The following NETO1 variants were observed in gnomAD, a reference collection of about 807,000 sequenced individuals.
NETO1 encodes neuropilin and tolloid like 1.
A neutral mutation model predicts 61.3 loss-of-function variants in NETO1; 26 were observed. That is an observed-to-expected ratio of 0.42 (90% CI 0.31 to 0.59). The LOEUF (loss-of-function observed/expected upper bound fraction) is 0.59, where lower values mean the gene tolerates loss of function less well. Ranked by LOEUF, NETO1 falls within the 20% of genes least tolerant of loss-of-function variation. The probability of loss-of-function intolerance (pLI) is 0.12; values close to 1 mark genes in which losing one functional copy is unlikely to be tolerated. For missense variants in NETO1, 531 were observed against 662.8 expected, an observed-to-expected ratio of 0.80 and a Z score of 2.18; for synonymous variants, 225 against 225.8, an observed-to-expected ratio of 1.00 and a Z score of 0.03.
chr18:72,842,576 A>T (rs1181343621), intron 4 of NETO1, among the ~76,000 whole-genome samples: 1 of 152,194 alleles, frequency 6.6e-6, no homozygotes, highest in Non-Finnish European at 1.5e-5. Context: ...GCAAAGATAA[A>T]TTCTAGAATC....
chr18:72,851,655 C>T (rs536894469), intron 4 of NETO1, among the ~76,000 whole-genome samples: 90 of 152,038 alleles, frequency 5.9e-4, no homozygotes, highest in African/African-American at 2.0e-3. Flanking sequence ...GAAGGAGAGA[C>T]GAAAAACCAT....
At chr18:72,767,000 A>T (rs763224007) in intron 7 of NETO1, among the ~76,000 whole-genome samples, 27 of 152,172 alleles carry the variant, frequency 1.8e-4, no homozygotes, top group Non-Finnish European at 3.2e-4. Flanking sequence ...GATTACTATT[A>T]GGCCCTGGAC....
At chr18:72,798,002 G>A (rs1293648451) in intron 4 of NETO1, among the ~76,000 whole-genome samples, 4 of 152,102 alleles carry the variant, frequency 2.6e-5, no homozygotes, top group Non-Finnish European at 5.9e-5. Flanking sequence ...CCTCCCTCAT[G>A]TTATTACAAT....
intron 4 of NETO1, among the ~76,000 whole-genome samples, chr18:72,832,757 C>T (rs2073622643): frequency 6.6e-6 from 1 of 152,144 alleles, no homozygotes; most frequent in African/African-American, 2.4e-5. Flanking sequence ...GATTACAATT[C>T]ACTTTTTAGT....
At chr18:72,754,212 T>A (rs1479145376) in intron 8 of NETO1, among the ~76,000 whole-genome samples, 1 of 151,774 alleles carries the variant, frequency 6.6e-6, no homozygotes, top group Non-Finnish European at 1.5e-5. Context: ...CTAAAATAAT[T>A]AAAATGTTGG....
intron 4 of NETO1, among the ~76,000 whole-genome samples, chr18:72,852,973 C>T (rs968181194): frequency 1.3e-5 from 2 of 151,640 alleles, no homozygotes; most frequent in African/African-American, 4.8e-5. Flanking sequence ...GCTGGGATTA[C>T]AGGCGCCTGC....
intron 4 of NETO1, among the ~76,000 whole-genome samples, chr18:72,821,464 T>C (rs1211417): frequency 2.7e-5 from 4 of 149,430 alleles, no homozygotes; most frequent in Non-Finnish European, 5.9e-5. Context: ...ACTCAAGAGG[T>C]TGAGGCAGGA....
chr18:72,824,236 T>A (rs1001296379), intron 4 of NETO1, among the ~76,000 whole-genome samples: 1 of 152,220 alleles, frequency 6.6e-6, no homozygotes, highest in South Asian at 2.1e-4. Flanking sequence ...TGGGTACTTA[T>A]CGAATAATTA....
chr18:72,775,818 T>C (rs1275413765), intron 7 of NETO1, among the ~76,000 whole-genome samples: 1 of 152,154 alleles, frequency 6.6e-6, no homozygotes, highest in East Asian at 1.9e-4. Flanking sequence ...GGGTTAAGTA[T>C]GTGTGGGGAA....
intron 7 of NETO1, among the ~76,000 whole-genome samples, chr18:72,779,311 A>G (rs1455681418): frequency 6.6e-6 from 1 of 151,120 alleles, no homozygotes; most frequent in African/African-American, 2.4e-5. Context: ...TAGATTATAT[A>G]TACACTAATA....
intron 4 of NETO1, among the ~76,000 whole-genome samples, chr18:72,828,792 C>T (rs2073478145): frequency 6.6e-6 from 1 of 152,200 alleles, no homozygotes; most frequent in Admixed American, 6.5e-5. Flanking sequence ...GATATTTCAA[C>T]AGCGAAAACG....
chr18:72,807,733 CACACACACACACACACACACA>C (rs1172533964), intron 4 of NETO1, among the ~76,000 whole-genome samples: 1 of 48,562 alleles, frequency 2.1e-5, no homozygotes, highest in Non-Finnish European at 1.7e-4. Context: ...CACACACACA[CACACACACACACACACACACA>C]CCCATACTGT....
chr18:72,751,799 G>A (rs1209628773), intron 8 of NETO1, among the ~76,000 whole-genome samples: 1 of 152,220 alleles, frequency 6.6e-6, no homozygotes, highest in Admixed American at 6.5e-5. Flanking sequence ...CCCAGAAAGA[G>A]AGTCAGGCTG....
chr18:72,806,414 CTCTAAA>C (rs2072676745), intron 4 of NETO1, among the ~76,000 whole-genome samples: 1 of 152,154 alleles, frequency 6.6e-6, no homozygotes, highest in Non-Finnish European at 1.5e-5. Flanking sequence ...CACTTTCTCT[CTCTAAA>C]TCTAATTCTC....
intron 4 of NETO1, among the ~76,000 whole-genome samples, chr18:72,814,952 TATTATTTAGTAAAACA>T (rs2072985797): frequency 6.6e-6 from 1 of 152,028 alleles, no homozygotes; most frequent in Non-Finnish European, 1.5e-5. Context: ...TTAAAATTAT[TATTATTTAGTAAAACA>T]ATTATTATAA....
At chr18:72,771,697 C>A (rs528141546) in intron 7 of NETO1, among the ~76,000 whole-genome samples, 3 of 151,742 alleles carry the variant, frequency 2.0e-5, no homozygotes, top group Non-Finnish European at 4.4e-5. Context: ...CCTGAACTAC[C>A]GAAAGTAGGA....
chr18:72,761,619 G>C (rs1259255548), intron 7 of NETO1, among the ~76,000 whole-genome samples: 1 of 152,154 alleles, frequency 6.6e-6, no homozygotes, highest in Non-Finnish European at 1.5e-5. Context: ...CAATCTAAAA[G>C]AAATGTTTTT....
intron 4 of NETO1, among the ~76,000 whole-genome samples, chr18:72,794,677 A>T (rs1460392092): frequency 6.6e-6 from 1 of 152,174 alleles, no homozygotes; most frequent in Non-Finnish European, 1.5e-5. Flanking sequence ...TCTAATTATC[A>T]AATAAAAATC....
intron 4 of NETO1, among the ~76,000 whole-genome samples, chr18:72,806,701 T>C (rs959649594): frequency 5.9e-5 from 9 of 152,192 alleles, no homozygotes; most frequent in African/African-American, 1.9e-4. Context: ...TTCACCTTGC[T>C]TCCCACTGTC....
Sources: gnomAD v4.1 joint callset for allele counts (sites outside exome capture counted in the v4.1 genomes callset) on GRCh38, gnomAD v4.1.1 for gene constraint, MANE v1.5 for transcripts, NCBI Gene and HGNC (gene_info 2026-07-23, HGNC 2026-07-21) for gene names.